TTC7A: variants seen among roughly 807,000 people sequenced by gnomAD.
TTC7A encodes the protein tetratricopeptide repeat domain 7A.
In TTC7A, 110 loss-of-function variants were observed where a neutral mutation model predicts 103.7. The ratio of observed to expected loss-of-function variants is 1.06; its 90% CI spans 0.91 to 1.24. TTC7A has a LOEUF of 1.24. Among genes scored for constraint, TTC7A ranks in the 50% most tolerant of loss-of-function variants. The pLI is 0.00. For missense variants in TTC7A, 1,340 were observed against 1,116.3 expected, an observed-to-expected ratio of 1.20 and a Z score of -2.86; for synonymous variants, 521 against 467.9, an observed-to-expected ratio of 1.11 and a Z score of -1.47.
chr2:47,074,033 A>C lies in TTC7A; in HGVS notation c.*110A>C. The C allele has an allele frequency of 1.3e-6, 1 of 791,412 alleles. No homozygotes were observed. Among genetic ancestry groups the C allele is most frequent in the Non-Finnish European group, 2.0e-6 (1 of 500,516 alleles). 49.0% of individuals were successfully genotyped at this position (791,412 alleles called of 1,614,324 possible). A position where few individuals can be genotyped will look rare whatever the true frequency, so the allele number is the denominator to read the frequency against. On this transcript the variant is annotated 3_prime_UTR_variant, in exon 20 of 20. Transcript: ENST00000319190. ...CAGGTGCGGGGCCTCAGGGAAATAC[A>C]TCTTTAGTGAACGCCTCTGCAGCTG... is the stretch of plus-strand genomic sequence containing the variant.
intron 2 of TTC7A, chr2:46,917,363 A>G (rs2103787917): frequency 3.4e-6 from 2 of 591,706 alleles, no homozygotes; most frequent in East Asian, 2.9e-5. Context: ...CTTACTCTGA[A>G]CTTTGGATTA....
intron 2 of TTC7A, chr2:46,956,502 A>G: frequency 3.7e-6 from 1 of 269,438 alleles, no homozygotes; most frequent in Non-Finnish European, 7.1e-6. Context: ...TGAGCTTCTG[A>G]GTGCCCCCTG....
At chr2:46,984,451 C>T (rs1296576051) in intron 5 of TTC7A, among the ~76,000 whole-genome samples, 1 of 152,192 alleles carries the variant, frequency 6.6e-6, no homozygotes, top group African/African-American at 2.4e-5. Flanking sequence ...TTCTGTTTGT[C>T]CATGTCCCAG....
At position 47,060,730 on chromosome 2, in the gene TTC7A, C is replaced by G. The variant is rs769304977; in HGVS notation, c.2153-39C>G. ...AGGGGGTCAGGATGCCTCTGACTCC[C>G]CACCACTCACACCTCCCACTGCCCT... is the stretch of plus-strand genomic sequence containing the variant. On this transcript the variant is annotated intron_variant, in intron 18 of 19. Coordinates refer to ENST00000319190, the MANE Select transcript of TTC7A (RefSeq NM_020458.4). 3.2e-6 allele frequency: 5 copies of G among 1,559,734 alleles called. No homozygotes were observed. In the South Asian group the frequency reaches 6.0e-5, roughly 19 times the overall value.
Position 47,060,094 on chromosome 2 carries a change from G to A in TTC7A, c.2153-675G>A, listed in dbSNP as rs1030270512. The stretch of plus-strand genomic sequence containing the variant: ...GATTGCTTGAGCCCAAGAGGTCAAG[G>A]CTGCAGTGAGGCCAGGCACGGTGGC... On this transcript the variant is annotated intron_variant, in intron 18 of 19. Transcript: ENST00000319190. 2.0e-5 allele frequency among the ~76,000 whole-genome samples: 3 copies of A among 152,112 alleles called. No individual in the cohort carries two copies. In the East Asian group the frequency reaches 5.8e-4, roughly 29 times the overall value.
intron 5 of TTC7A, among the ~76,000 whole-genome samples, chr2:46,984,273 C>T (rs1166161067): frequency 6.6e-6 from 1 of 152,236 alleles, no homozygotes; most frequent in African/African-American, 2.4e-5. Flanking sequence ...TGGGGATGCT[C>T]ACGCCCTGCA....
intron 3 of TTC7A, among the ~76,000 whole-genome samples, chr2:46,959,917 A>C (rs1201949252): frequency 6.6e-6 from 1 of 152,212 alleles, no homozygotes; most frequent in African/African-American, 2.4e-5. Flanking sequence ...AGGGGAAAAG[A>C]GTTATTGTCC....
intron 8 of TTC7A, 72 bp downstream of exon 8, chr2:46,995,271 A>G: frequency 6.6e-7 from 1 of 1,512,922 alleles, no homozygotes; most frequent in Non-Finnish European, 9.1e-7. Flanking sequence ...GGGCCCAGGT[A>G]CAGGCCACCC....
chr2:47,019,525 A>C (rs1157694077), intron 11 of TTC7A, among the ~76,000 whole-genome samples: 1 of 152,164 alleles, frequency 6.6e-6, no homozygotes, highest in African/African-American at 2.4e-5. Context: ...CAAGTACTGG[A>C]CAAGGAGTGC....
chr2:46,934,111 A>G (rs1669846176), intron 2 of TTC7A, among the ~76,000 whole-genome samples: 1 of 151,736 alleles, frequency 6.6e-6, no homozygotes, highest in African/African-American at 2.4e-5. Context: ...GTCAGTACAC[A>G]GGAAGAACAG....
intron 3 of TTC7A, among the ~76,000 whole-genome samples, chr2:46,965,684 C>T (rs1224054933): frequency 6.6e-6 from 1 of 151,574 alleles, no homozygotes; most frequent in Admixed American, 6.6e-5. Context: ...GTCTCAGCCT[C>T]CAGAATAGCT....
chr2:46,969,960 G>A (rs757272560), intron 3 of TTC7A, among the ~76,000 whole-genome samples: 1 of 152,188 alleles, frequency 6.6e-6, no homozygotes, highest in Non-Finnish European at 1.5e-5. Context: ...AACTCTACCT[G>A]GCAGGGTTTC....
At chr2:46,988,603 T>C (rs747185682) in intron 5 of TTC7A, among the ~76,000 whole-genome samples, 6 of 152,252 alleles carry the variant, frequency 3.9e-5, no homozygotes, top group Non-Finnish European at 8.8e-5. Flanking sequence ...CTTCCCCAAA[T>C]ATTTTTTTAA....
intron 1 of TTC7A, among the ~76,000 whole-genome samples, chr2:46,942,640 G>A (rs1245686934): frequency 6.6e-6 from 1 of 152,140 alleles, no homozygotes; most frequent in African/African-American, 2.4e-5. Context: ...ACTCTTGTTT[G>A]TCCCACTTTA....
chr2:46,976,156 T>C (rs1199709863), intron 4 of TTC7A, among the ~76,000 whole-genome samples: 1 of 152,274 alleles, frequency 6.6e-6, no homozygotes, highest in Non-Finnish European at 1.5e-5. Context: ...CCTGCTTTTG[T>C]GTCAGACACA....
chr2:47,037,716 A>G (rs1026664216), intron 15 of TTC7A, among the ~76,000 whole-genome samples: 1 of 152,296 alleles, frequency 6.6e-6, no homozygotes. Flanking sequence ...TAATCCTCTC[A>G]GCGCCCTAAG....
chr2:47,027,968 C>T (rs1680097303), intron 14 of TTC7A, among the ~76,000 whole-genome samples: 2 of 152,152 alleles, frequency 1.3e-5, no homozygotes, highest in African/African-American at 4.8e-5. Flanking sequence ...CAGGAGTGCG[C>T]AGGCCAGGGC....
chr2:46,968,301 A>T (rs965157422), intron 3 of TTC7A, among the ~76,000 whole-genome samples: 7 of 152,206 alleles, frequency 4.6e-5, no homozygotes, highest in African/African-American at 1.7e-4. Flanking sequence ...TGGGAATCAC[A>T]AGGCAGTGCC....
intron 19 of TTC7A, chr2:47,065,966 C>T (rs974531649): frequency 1.3e-5 from 2 of 152,126 alleles, no homozygotes; most frequent in Admixed American, 1.3e-4. Flanking sequence ...CCTCCTCATG[C>T]TTTCTTCTTG....
Sources: gnomAD v4.1 joint callset for allele counts (sites outside exome capture counted in the v4.1 genomes callset) on GRCh38, gnomAD v4.1.1 for gene constraint, MANE v1.5 for transcripts, NCBI Gene and HGNC (gene_info 2026-07-23, HGNC 2026-07-21) for gene names.